IRAG2: variants seen among roughly 807,000 people sequenced by gnomAD.
IRAG2 encodes lymphoid restricted membrane protein.
Under a neutral mutation model 69.9 loss-of-function variants are expected in IRAG2, and 45 were observed. The ratio of observed to expected loss-of-function variants is 0.64; its 90% CI spans 0.51 to 0.83. The LOEUF is 0.83. IRAG2 is among the 40% of genes least tolerant of loss of function. The pLI is 0.00. For missense variants in IRAG2, 520 were observed against 587.0 expected, an observed-to-expected ratio of 0.89 and a Z score of 1.18; for synonymous variants, 193 against 202.4, an observed-to-expected ratio of 0.95 and a Z score of 0.40.
At chr12:25,006,579 G>A (rs572105583) in intron 2 of IRAG2, among the ~76,000 whole-genome samples, 24 of 152,304 alleles carry the variant, frequency 1.6e-4, no homozygotes, top group African/African-American at 5.5e-4. Context: ...GCTGCAACAT[G>A]GATGCAGCTG....
intron 10 of IRAG2, among the ~76,000 whole-genome samples, chr12:25,087,193 A>G (rs1271863240): frequency 1.8e-5 from 2 of 110,744 alleles, no homozygotes; most frequent in Non-Finnish European, 3.3e-5. Context: ...GTTGAGACAG[A>G]GCCTTGCACT....
chr12:25,044,835 A>G (rs1944779484), intron 16 of IRAG2, among the ~76,000 whole-genome samples: 1 of 152,180 alleles, frequency 6.6e-6, no homozygotes, highest in Non-Finnish European at 1.5e-5. Context: ...GTAGTATTTC[A>G]TGTTCAATAA....
chr12:25,093,895 G>A (rs12228408), intron 14 of IRAG2: 15,447 of 151,676 alleles, frequency 0.1, 1,149 homozygotes, highest in Non-Finnish European at 0.14. Context: ...AATGTGGCAG[G>A]GCCATCAGGC....
At position 25,108,206 on chromosome 12, in the gene IRAG2, C is replaced by A; in HGVS notation, c.*146C>A. 4 of 840,744 alleles carry A rather than the reference C, an allele frequency of 4.8e-6. No homozygotes were observed. Among genetic ancestry groups the A allele is most frequent in the Non-Finnish European group, 7.2e-6 (4 of 558,632 alleles). The allele number at this position is 840,744 out of a possible 1,614,324, so 52.1% of individuals were successfully genotyped here. Reference sequence around the variant, plus strand: ...AGATAGCTTACATTTCCTCTTTTTGCCTTTATCTCCCCAACTAAAATACAA... The same window carrying A: ...AGATAGCTTACATTTCCTCTTTTTGACTTTATCTCCCCAACTAAAATACAA... On this transcript the variant is annotated 3_prime_UTR_variant, in exon 22 of 22. Coordinates refer to ENST00000556887, the MANE Select transcript of IRAG2 (RefSeq NM_001366544.2).
chr12:25,045,265 A>G (rs969901522), intron 16 of IRAG2, among the ~76,000 whole-genome samples: 2 of 152,100 alleles, frequency 1.3e-5, no homozygotes, highest in African/African-American at 4.8e-5. Context: ...CTAAGAGGGC[A>G]TTTTATAGTG....
intron 3 of IRAG2, 62 bp downstream of exon 3, chr12:25,062,962 T>C (rs775373438): frequency 5.0e-6 from 2 of 398,676 alleles, no homozygotes; most frequent in Non-Finnish European, 8.9e-6. Context: ...TATCCTGTAA[T>C]AGAAAGCTAA....
chr12:25,009,750 G>T (rs1304340806), intron 2 of IRAG2, among the ~76,000 whole-genome samples: 11 of 151,836 alleles, frequency 7.2e-5, no homozygotes, highest in African/African-American at 2.4e-4. Flanking sequence ...CCATCCAAAA[G>T]CCAGCAGGCT....
At chr12:25,078,594 A>G (rs995640379) in intron 6 of IRAG2, among the ~76,000 whole-genome samples, 10 of 152,302 alleles carry the variant, frequency 6.6e-5, no homozygotes, top group African/African-American at 2.4e-4. Context: ...GTATTTTTTG[A>G]AAAAGAAAGT....
upstream of IRAG2, among the ~76,000 whole-genome samples, chr12:25,001,986 G>C (rs933488826): frequency 5.9e-5 from 9 of 151,980 alleles, no homozygotes; most frequent in African/African-American, 1.9e-4. Flanking sequence ...GGTCAGGCTG[G>C]TCTCGAACTC....
chr12:25,005,135 G>A (rs981489966), intron 1 of IRAG2: 1 of 525,072 alleles, frequency 1.9e-6, no homozygotes, highest in Admixed American at 4.4e-5. Flanking sequence ...TAAGGGGAAG[G>A]CTGTTTATTA....
chr12:25,052,927 C>A lies in IRAG2; in HGVS notation c.-476C>A. ...ACTGAATTATCGAACACTTGCCAGG[C>A]ACTTCAGCAGAAGACAAGGAAACTG... is the stretch of plus-strand genomic sequence containing the variant. On this transcript the variant is annotated 5_prime_UTR_variant, in exon 1 of 22. Coordinates refer to ENST00000556887, the MANE Select transcript of IRAG2 (RefSeq NM_001366544.2). 1 of 398,594 alleles carries A rather than the reference C, an allele frequency of 2.5e-6. No homozygotes were observed. The highest frequency in any genetic ancestry group is 3.6e-5 in the East Asian group (1 of 28,080). 24.7% of individuals were successfully genotyped at this position (398,594 alleles called of 1,614,324 possible).
Position 25,097,029 on chromosome 12 carries a change from G to A in IRAG2, c.726G>A (p.Leu242=), listed in dbSNP as rs1948459249. 1 of 1,609,078 alleles carries A rather than the reference G, an allele frequency of 6.2e-7. No individual in the cohort carries two copies. Among genetic ancestry groups the A allele is most frequent in the Admixed American group, 1.7e-5 (1 of 58,590 alleles). ...GAGTGGCCAGTAGGGCTGAGATGTTGGGAGCCATCAATCAGGTAACCTGTC... is the reference window on the plus strand; with the variant it reads ...GAGTGGCCAGTAGGGCTGAGATGTTAGGAGCCATCAATCAGGTAACCTGTC... ...AARVASRAEM[L]GAINQESRVS... is the part of the protein sequence containing the mutation. Residue 242 remains leucine, a synonymous_variant, in exon 15 of 22, where the codon TTG becomes TTA. Coordinates refer to ENST00000556887, the MANE Select transcript of IRAG2 (RefSeq NM_001366544.2).
chr12:25,053,628 T>A (rs1945012380), intron 1 of IRAG2, among the ~76,000 whole-genome samples: 1 of 152,276 alleles, frequency 6.6e-6, no homozygotes, highest in Non-Finnish European at 1.5e-5. Context: ...TGTTTCATTC[T>A]AGAAACCTAA....
At chr12:25,083,736 A>G (rs912678305) in intron 10 of IRAG2, among the ~76,000 whole-genome samples, 9 of 152,234 alleles carry the variant, frequency 5.9e-5, no homozygotes, top group Non-Finnish European at 1.2e-4. Flanking sequence ...TTTATTGTTC[A>G]TTCATTCATT....
chr12:25,039,835 G>A (rs1944733428), intron 16 of IRAG2, among the ~76,000 whole-genome samples: 1 of 152,174 alleles, frequency 6.6e-6, no homozygotes, highest in Non-Finnish European at 1.5e-5. Flanking sequence ...CATACAAGCA[G>A]CCCGGTTAAA....
intron 14 of IRAG2, among the ~76,000 whole-genome samples, chr12:25,094,268 G>A (rs956395785): frequency 3.9e-5 from 6 of 152,100 alleles, no homozygotes; most frequent in Admixed American, 1.3e-4. Flanking sequence ...CATATATGAT[G>A]TAAGGTAAGG....
upstream of IRAG2, among the ~76,000 whole-genome samples, chr12:25,001,742 C>A (rs1163881981): frequency 6.7e-6 from 1 of 150,318 alleles, no homozygotes; most frequent in East Asian, 2.0e-4. Context: ...ACATTGAGAA[C>A]AATGACAGAT....
At chr12:25,063,255 G>T (rs758786686) in intron 3 of IRAG2, among the ~76,000 whole-genome samples, 10 of 152,260 alleles carry the variant, frequency 6.6e-5, no homozygotes, top group South Asian at 4.2e-4. Flanking sequence ...TAGAGATGGG[G>T]TTTCCCCATG....
chr12:25,083,868 T>A (rs931288547), intron 10 of IRAG2, among the ~76,000 whole-genome samples: 5 of 152,220 alleles, frequency 3.3e-5, no homozygotes, highest in Non-Finnish European at 5.9e-5. Context: ...GTATCTATCC[T>A]AACGATATGT....
Sources: gnomAD v4.1 joint callset for allele counts (sites outside exome capture counted in the v4.1 genomes callset) on GRCh38, gnomAD v4.1.1 for gene constraint, MANE v1.5 for transcripts, NCBI Gene and HGNC (gene_info 2026-07-23, HGNC 2026-07-21) for gene names.